The following GTF2A1 variants were observed in gnomAD, a reference collection of about 807,000 sequenced individuals.
GTF2A1 encodes the protein general transcription factor IIA subunit 1, also known as transcription initiation factor IIA subunit 1.
GTF2A1 carries 12 observed loss-of-function variants against 54.1 expected under a neutral mutation model. The observed-to-expected ratio is 0.22, with a 90% CI of 0.14 to 0.36. GTF2A1 has a LOEUF of 0.36. GTF2A1 is among the 10% of genes least tolerant of loss of function. GTF2A1 has a pLI of 1.00. For synonymous variants in GTF2A1, 145 were observed against 152.0 expected (o/e 0.95, Z 0.34); for missense variants, 335 against 442.2 (o/e 0.76, Z 2.17).
intron 4 of GTF2A1, among the ~76,000 whole-genome samples, chr14:81,200,795 A>G (rs981786881): frequency 6.6e-6 from 1 of 151,854 alleles, no homozygotes; most frequent in African/African-American, 2.4e-5. Context: ...AATGAAATCA[A>G]CAGTCTGTAT....
At chr14:81,181,728 G>C (rs1892643032) in intron 8 of GTF2A1, among the ~76,000 whole-genome samples, 1 of 152,004 alleles carries the variant, frequency 6.6e-6, no homozygotes, top group Non-Finnish European at 1.5e-5. Context: ...TATTTTTGTA[G>C]AGATGGGTTT....
At chr14:81,186,309 AGAG>A (rs1056523716) in intron 7 of GTF2A1, among the ~76,000 whole-genome samples, 5 of 152,250 alleles carry the variant, frequency 3.3e-5, no homozygotes, top group Admixed American at 1.3e-4. Context: ...TGGAGAAATT[AGAG>A]GAGAAAAGAA....
chr14:81,189,457 G>A (rs1231261427), intron 7 of GTF2A1, among the ~76,000 whole-genome samples: 1 of 152,140 alleles, frequency 6.6e-6, no homozygotes, highest in African/African-American at 2.4e-5. Flanking sequence ...GGATCACGAG[G>A]TCAGGAGATC....
chr14:81,216,069 A>C (rs1014756845), intron 2 of GTF2A1, among the ~76,000 whole-genome samples: 8 of 152,244 alleles, frequency 5.3e-5, no homozygotes, highest in African/African-American at 1.9e-4. Flanking sequence ...CAGACATGTC[A>C]AGTAATTAGA....
intron 1 of GTF2A1, among the ~76,000 whole-genome samples, chr14:81,220,077 A>C (rs1893586184): frequency 6.6e-6 from 1 of 151,130 alleles, no homozygotes; most frequent in Non-Finnish European, 1.5e-5. Flanking sequence ...TTCCCCACAC[A>C]CAGTTTTTGT....
intron 2 of GTF2A1, among the ~76,000 whole-genome samples, chr14:81,205,079 C>T (rs1417657336): frequency 2.0e-5 from 3 of 152,080 alleles, no homozygotes; most frequent in Admixed American, 1.3e-4. Flanking sequence ...CCTTCAAGAA[C>T]TTCCCTTTGC....
In GTF2A1 at chr14:81,178,738, G is replaced by A. The variant is rs1892580382; in HGVS notation, c.*1485C>T. 6.6e-6 allele frequency: 1 copy of A among 152,070 alleles called. No individual in the cohort carries two copies. The highest frequency in any genetic ancestry group is 1.5e-5 in the Non-Finnish European group (1 of 67,994). 9.4% of individuals were successfully genotyped at this position (152,070 alleles called of 1,614,324 possible). ...TCTGAAAACACAAAGGCAAAAGGAA[G>A]ACAAAAACTGAAGATTAAAAAAATA... On this transcript the variant is annotated 3_prime_UTR_variant, in exon 9 of 9. Coordinates refer to ENST00000553612, the MANE Select transcript of GTF2A1 (RefSeq NM_015859.4).
At chr14:81,193,530 T>G (rs1892923396) in intron 6 of GTF2A1, among the ~76,000 whole-genome samples, 1 of 152,206 alleles carries the variant, frequency 6.6e-6, no homozygotes, top group South Asian at 2.1e-4. Flanking sequence ...CCTCTTGGCC[T>G]CTGTCGTTTC....
chr14:81,210,023 A>G, intron 2 of GTF2A1: 1 of 374,000 alleles, frequency 2.7e-6, no homozygotes, highest in Non-Finnish European at 4.6e-6. Context: ...CGGCAGGACA[A>G]TTCTTTATCA....
At chr14:81,216,571 TA>T in intron 1 of GTF2A1, 57 bp from the exon 2 acceptor site, 1 of 746,530 alleles carries the variant, frequency 1.3e-6, no homozygotes, top group East Asian at 2.6e-5. Flanking sequence ...TTATAATGTA[TA>T]ACAGGTTTTC....
chr14:81,214,373 C>T (rs1052359606), intron 2 of GTF2A1, among the ~76,000 whole-genome samples: 1 of 152,008 alleles, frequency 6.6e-6, no homozygotes, highest in African/African-American at 2.4e-5. Context: ...CGGCCGGGAG[C>T]GGTGGCTCAT....
chr14:81,218,094 CT>C (rs5810020), intron 1 of GTF2A1, among the ~76,000 whole-genome samples: 44 of 148,106 alleles, frequency 3.0e-4, no homozygotes, highest in Admixed American at 6.1e-4. Context: ...CTATAAAGTG[CT>C]TTTTTTTTTT....
intron 2 of GTF2A1, 107 bp from the exon 3 acceptor site, chr14:81,204,211 TAC>T (rs1893179615): frequency 1.2e-6 from 1 of 839,804 alleles, no homozygotes; most frequent in Non-Finnish European, 2.1e-6. Flanking sequence ...TAAAAACTGA[TAC>T]AGACACAGAA....
At position 81,196,172 on chromosome 14, in the gene GTF2A1, A is replaced by C; in HGVS notation, c.548T>G (p.Val183Gly). ...QYIFQPQQSVVLQQQVIPQMQ... is the reference protein window; with the variant it reads ...QYIFQPQQSVGLQQQVIPQMQ... ...TTGTGGTATAACCTGTTGTTGTAGA[A>C]CCACTGACTGCTGAGGCTGAAAGAT... The change falls in exon 6 of 9, where the codon GTT becomes GGT. Residue 183 changes from valine (V) to glycine (G), a missense_variant. By Grantham distance (109) the Val-to-Gly change is moderately radical. Coordinates refer to ENST00000553612, the MANE Select transcript of GTF2A1 (RefSeq NM_015859.4). 6.2e-7 allele frequency: 1 copy of C among 1,613,918 alleles called. No individual in the cohort carries two copies. The highest frequency in any genetic ancestry group is 8.5e-7 in the Non-Finnish European group (1 of 1,179,792).
chr14:81,192,245 T>TTG (rs1892890680), intron 7 of GTF2A1, among the ~76,000 whole-genome samples: 1 of 152,226 alleles, frequency 6.6e-6, no homozygotes, highest in Non-Finnish European at 1.5e-5. Context: ...AGAGTTAGAA[T>TTG]TACCTGTACT....
chr14:81,201,775 C>A, intron 3 of GTF2A1, 117 bp from the exon 4 acceptor site: 1 of 682,592 alleles, frequency 1.5e-6, no homozygotes. Flanking sequence ...TTTCTGCACT[C>A]AAATGCTTTC....
At chr14:81,191,926 A>G (rs1276486343) in intron 7 of GTF2A1, among the ~76,000 whole-genome samples, 1 of 152,228 alleles carries the variant, frequency 6.6e-6, no homozygotes, top group African/African-American at 2.4e-5. Context: ...GGCAATTAAC[A>G]GTGAAAATTG....
chr14:81,219,366 T>A (rs1453227651), intron 1 of GTF2A1, among the ~76,000 whole-genome samples: 2 of 152,220 alleles, frequency 1.3e-5, no homozygotes, highest in Non-Finnish European at 2.9e-5. Flanking sequence ...CAGCTCTCAC[T>A]ATTTAAAGCC....
At chr14:81,183,400 A>G (rs913479960) in intron 8 of GTF2A1, among the ~76,000 whole-genome samples, 2 of 152,248 alleles carry the variant, frequency 1.3e-5, no homozygotes, top group Admixed American at 6.5e-5. Context: ...GATTCTATAG[A>G]CAAGTAAAGA....
Sources: gnomAD v4.1 joint callset for allele counts (sites outside exome capture counted in the v4.1 genomes callset) on GRCh38, gnomAD v4.1.1 for gene constraint, MANE v1.5 for transcripts, NCBI Gene and HGNC (gene_info 2026-07-23, HGNC 2026-07-21) for gene names.